Variants in SRPX observed in about 807,000 individuals in gnomAD.
SRPX encodes the protein sushi repeat-containing protein SRPX.
SRPX carries 24 observed loss-of-function variants against 38.1 expected under a neutral mutation model. The observed-to-expected ratio is 0.63, with a 90% CI of 0.46 to 0.89. SRPX has a LOEUF of 0.89. Ranked by LOEUF, SRPX falls within the 40% of genes least tolerant of loss-of-function variation. The pLI is 0.00. For missense variants in SRPX, 416 were observed against 377.8 expected, an observed-to-expected ratio of 1.10 and a Z score of -0.84; for synonymous variants, 184 against 153.8, an observed-to-expected ratio of 1.20 and a Z score of -1.45.
Position 38,149,877 on chromosome X carries a change from G to T in SRPX, c.1229C>A (p.Pro410Gln), listed in dbSNP as rs2147756759. The part of the protein sequence containing the change: ...ALQLRLLLRI[P>Q]LYSFSMVLVD... ...TAGCACCATACTGAAGGAGTAGAGT[G>T]GGATTCGCAGCAACAGCCTGTGGCA... The change falls in exon 10 of 10, where the codon CCA becomes CAA. Residue 410 changes from proline (P) to glutamine (Q), a missense_variant. Transcript: ENST00000378533. The T allele has an allele frequency of 8.3e-7, 1 of 1,204,473 alleles. No homozygotes were observed.
chrX:38,164,034 C>T (rs994257182), intron 5 of SRPX, among the ~76,000 whole-genome samples: 2 of 111,671 alleles, frequency 1.8e-5, no homozygotes, highest in Non-Finnish European at 3.8e-5. Flanking sequence ...CCTCTTTCCC[C>T]TTCTGTTCCT....
Position 38,160,058 on chromosome X carries a change from T to G in SRPX, c.914A>C (p.Gln305Pro). ...ELQGSPARVC[Q>P]SNLAWSGTEP... The stretch of plus-strand genomic sequence containing the variant: ...CGTGCCAGACCAAGCCAGGTTGGAT[T>G]GACATACTCGGGCAGGGCTACCCTG... The change falls in exon 7 of 10, where the codon CAA becomes CCA. Residue 305 changes from glutamine to proline, a missense_variant. Gln to Pro is a moderately conservative substitution (Grantham distance 76, BLOSUM62 -1). Transcript: ENST00000378533. 2 of 1,211,294 alleles carry G rather than the reference T, an allele frequency of 1.7e-6. No individual in the cohort carries two copies. The highest frequency in any genetic ancestry group is 2.2e-6 in the Non-Finnish European group (2 of 895,217).
At chrX:38,216,459 T>C (rs1939423840) in intron 1 of SRPX, among the ~76,000 whole-genome samples, 1 of 112,857 alleles carries the variant, frequency 8.9e-6, no homozygotes, top group Non-Finnish European at 1.9e-5. Context: ...ATTTCAGAAC[T>C]AAACCCAAAT....
intron 6 of SRPX, 42 bp from the exon 7 acceptor site, chrX:38,160,238 C>T (rs950675979): frequency 8.5e-7 from 1 of 1,169,642 alleles, no homozygotes; most frequent in Non-Finnish European, 1.2e-6. Context: ...TGCTGAGCTC[C>T]CATCCACAGA....
chrX:38,160,099 G>A lies in SRPX; in HGVS notation c.873C>T (p.Ile291=), dbSNP rs150132527. 579 of 1,210,205 alleles carry A rather than the reference G, an allele frequency of 4.8e-4. No individual in the cohort carries two copies. The Middle Eastern group carries it at 4.8e-3, about 10-fold the overall frequency. ...GGCTACCCTGGAGCTCATAGCCGCCGATGCAGGAGAACTCACAGGTGGCTC... is the reference window on the plus strand; with the variant it reads ...GGCTACCCTGGAGCTCATAGCCGCCAATGCAGGAGAACTCACAGGTGGCTC... ...NYGATCEFSC[I]GGYELQGSPA... Residue 291 remains isoleucine (I), a synonymous_variant, in exon 7 of 10, where the codon ATC becomes ATT. Transcript: ENST00000378533.
chrX:38,181,084 A>C (rs1047207595), intron 1 of SRPX, among the ~76,000 whole-genome samples: 3 of 112,469 alleles, frequency 2.7e-5, no homozygotes, highest in African/African-American at 9.7e-5. Context: ...ATTTTTAACA[A>C]AGCAAGGAGA....
intron 1 of SRPX, among the ~76,000 whole-genome samples, chrX:38,185,900 G>A (rs895961289): frequency 2.3e-4 from 22 of 97,633 alleles, no homozygotes; most frequent in African/African-American, 6.3e-4. Flanking sequence ...AAAAAAAAAG[G>A]GGGGGGGGAG....
Position 38,155,124 on chromosome X carries a change from TAA to T in SRPX, c.1090-543_1090-542del, listed in dbSNP as rs1182656379. 5.7e-5 allele frequency among the ~76,000 whole-genome samples: 5 copies of T among 86,992 alleles called. No individual in the cohort carries two copies. The East Asian group carries it at 1.1e-3, about 18-fold the overall frequency. 75.5% of individuals were successfully genotyped at this position (86,992 alleles called of 115,157 possible). A position where few individuals can be genotyped will look rare whatever the true frequency, so the allele number is the denominator to read the frequency against. On this transcript the variant is annotated intron_variant, in intron 8 of 9. Coordinates refer to ENST00000378533, the MANE Select transcript of SRPX (RefSeq NM_006307.5). Reference sequence around the variant, plus strand: ...GGCTCATCAGGAATGGCAATGGCAATAAAAAAAAAAAAAGTAATGTAAGACAA... The same window carrying T: ...GGCTCATCAGGAATGGCAATGGCAATAAAAAAAAAAAGTAATGTAAGACAA...
At chrX:38,182,277 C>G (rs1005937493) in intron 1 of SRPX, among the ~76,000 whole-genome samples, 4 of 112,179 alleles carry the variant, frequency 3.6e-5, no homozygotes, top group East Asian at 2.8e-4. Context: ...TTTCACTAGG[C>G]CTTACTGCCT....
intron 9 of SRPX, among the ~76,000 whole-genome samples, chrX:38,152,828 A>T (rs1938041815): frequency 8.9e-6 from 1 of 112,299 alleles, no homozygotes. Flanking sequence ...TTAAAAAATC[A>T]TTGACACAGG....
Position 38,197,451 on chromosome X carries a change from G to A in SRPX, c.98-19107C>T, listed in dbSNP as rs145960139. Among the ~76,000 whole-genome samples the A allele has an allele frequency of 8.0e-3, 884 of 110,171 alleles. 12 individuals are homozygous for A. Among genetic ancestry groups the A allele is most frequent in the African/African-American group, 0.028 (842 of 30,270 alleles). On this transcript the variant is annotated intron_variant, in intron 1 of 9. Transcript: ENST00000378533. The stretch of plus-strand genomic sequence containing the variant: ...TCTTTTTTTTTCCTTTCTTTTTTTT[G>A]GACATGTTATAATTGTACATATTTA...
At chrX:38,186,285 T>C (rs992897556) in intron 1 of SRPX, among the ~76,000 whole-genome samples, 1 of 110,428 alleles carries the variant, frequency 9.1e-6, no homozygotes, top group African/African-American at 3.3e-5. Flanking sequence ...AGTAAGGTTA[T>C]AAGAAGATCT....
intron 1 of SRPX, among the ~76,000 whole-genome samples, chrX:38,220,369 T>C (rs933695543): frequency 1.8e-5 from 2 of 112,980 alleles, no homozygotes; most frequent in Non-Finnish European, 3.8e-5. Context: ...AGTAGCAAAC[T>C]AGTCTGCGGC....
chrX:38,194,344 C>T lies in SRPX; in HGVS notation c.98-16000G>A, dbSNP rs539171936. Among the ~76,000 whole-genome samples, 32 of 111,856 alleles carry T rather than the reference C, an allele frequency of 2.9e-4. No homozygotes were observed. The South Asian group carries it at 9.0e-3, about 31-fold the overall frequency. Reference sequence around the variant, plus strand: ...AAAACCACAGTCATACCATTTCTGACCCATTAGTTTGGAAGAACTCTAAAA... The same window carrying T: ...AAAACCACAGTCATACCATTTCTGATCCATTAGTTTGGAAGAACTCTAAAA... On this transcript the variant is annotated intron_variant, in intron 1 of 9. Transcript: ENST00000378533.
At chrX:38,177,498 A>G (rs1453526220) in intron 2 of SRPX, among the ~76,000 whole-genome samples, 3 of 110,339 alleles carry the variant, frequency 2.7e-5, no homozygotes, top group Non-Finnish European at 5.7e-5. Flanking sequence ...TCATCCCAGG[A>G]ATTAGGACAA....
At chrX:38,196,718 G>A (rs1022829065) in intron 1 of SRPX, among the ~76,000 whole-genome samples, 32 of 112,315 alleles carry the variant, frequency 2.8e-4, no homozygotes, top group African/African-American at 1.0e-3. Context: ...GAAAGCAGGG[G>A]AAATGAGAAA....
chrX:38,215,887 G>A (rs1489788864), intron 1 of SRPX, among the ~76,000 whole-genome samples: 1 of 112,044 alleles, frequency 8.9e-6, no homozygotes, highest in Non-Finnish European at 1.9e-5. Flanking sequence ...GCTGTAACTG[G>A]AAAGGCCACC....
At chrX:38,195,057 G>A (rs55992566) in intron 1 of SRPX, among the ~76,000 whole-genome samples, 1 of 109,032 alleles carries the variant, frequency 9.2e-6, no homozygotes, top group Non-Finnish European at 1.9e-5. Context: ...ATTTTTAGTA[G>A]AGATGGAGTT....
chrX:38,206,816 A>G (rs1342283899), intron 1 of SRPX, among the ~76,000 whole-genome samples: 2 of 111,779 alleles, frequency 1.8e-5, no homozygotes, highest in Non-Finnish European at 3.8e-5. Flanking sequence ...TGGCATCCAA[A>G]TACTACCGTT....
Sources: allele counts gnomAD v4.1 joint callset (sites outside exome capture counted in the v4.1 genomes callset), GRCh38; gene constraint gnomAD v4.1.1; transcripts MANE v1.5; gene names NCBI Gene and HGNC (gene_info 2026-07-23, HGNC 2026-07-21).